FARS2: variants seen among roughly 807,000 people sequenced by gnomAD.
The protein encoded by FARS2 is phenylalanine--tRNA ligase, mitochondrial.
Under a neutral mutation model 46.4 loss-of-function variants are expected in FARS2, and 40 were observed. The observed-to-expected ratio is 0.86, with a 90% confidence interval of 0.67 to 1.12. FARS2 has a LOEUF of 1.12. Ranked by LOEUF, FARS2 falls within the 50% of genes most tolerant of loss-of-function variation. The probability of loss-of-function intolerance (pLI) is 0.00; values close to 1 mark genes in which losing one functional copy is unlikely to be tolerated. For missense variants in FARS2, 513 were observed against 567.9 expected (o/e 0.90, Z 0.98); for synonymous variants, 234 against 214.9 (o/e 1.09, Z -0.78).
At chr6:5,488,991 C>G (rs1434676563) in intron 4 of FARS2, among the ~76,000 whole-genome samples, 1 of 152,188 alleles carries the variant, frequency 6.6e-6, no homozygotes. Flanking sequence ...GGCCAAAATT[C>G]TACCTTTCTG....
chr6:5,333,858 C>G (rs984317325), intron 1 of FARS2, among the ~76,000 whole-genome samples: 1 of 152,176 alleles, frequency 6.6e-6, no homozygotes, highest in Admixed American at 6.5e-5. Flanking sequence ...TGCATCATCC[C>G]TGTTTGCTTC....
chr6:5,762,356 A>C (rs1762521185), intron 6 of FARS2, among the ~76,000 whole-genome samples: 1 of 152,226 alleles, frequency 6.6e-6, no homozygotes, highest in African/African-American at 2.4e-5. Flanking sequence ...GTAACTGAGA[A>C]GTGGTAAAGC....
chr6:5,597,953 A>G (rs1023264252), intron 5 of FARS2, among the ~76,000 whole-genome samples: 4 of 152,066 alleles, frequency 2.6e-5, no homozygotes, highest in Non-Finnish European at 4.4e-5. Flanking sequence ...GCATAATAAT[A>G]CAGTAGCTAC....
intron 1 of FARS2, among the ~76,000 whole-genome samples, chr6:5,360,463 A>C (rs1758228448): frequency 2.0e-5 from 3 of 152,302 alleles, no homozygotes; most frequent in Middle Eastern, 3.4e-3. Context: ...GGCATGAAAA[A>C]TGTATTTCTA....
At chr6:5,506,806 A>C (rs906976959) in intron 4 of FARS2, among the ~76,000 whole-genome samples, 1 of 152,244 alleles carries the variant, frequency 6.6e-6, no homozygotes, top group South Asian at 2.1e-4. Context: ...AATCGCTCTG[A>C]AAGTTCGTGA....
At chr6:5,531,192 G>A (rs1353162779) in intron 4 of FARS2, among the ~76,000 whole-genome samples, 3 of 152,010 alleles carry the variant, frequency 2.0e-5, no homozygotes, top group African/African-American at 7.2e-5. Context: ...ACATCTCATT[G>A]GCCATGCTCT....
At chr6:5,567,986 C>G (rs564727433) in intron 5 of FARS2, among the ~76,000 whole-genome samples, 2 of 152,306 alleles carry the variant, frequency 1.3e-5, no homozygotes, top group African/African-American at 2.4e-5. Flanking sequence ...CATTGTTACT[C>G]CTGACATTCA....
At chr6:5,619,523 C>G (rs1475319157) in intron 6 of FARS2, among the ~76,000 whole-genome samples, 1 of 152,164 alleles carries the variant, frequency 6.6e-6, no homozygotes, top group African/African-American at 2.4e-5. Flanking sequence ...CTCCCTCAAC[C>G]CCAGGTCACT....
At chr6:5,661,979 TG>T (rs11307628) in intron 6 of FARS2, among the ~76,000 whole-genome samples, 92,009 of 151,964 alleles carry the variant, frequency 0.61, 30,205 homozygotes, top group South Asian at 0.77. Flanking sequence ...ACCCCACACT[TG>T]GAAGAGGGTG....
At chr6:5,549,904 T>C (rs1771269369) in intron 5 of FARS2, among the ~76,000 whole-genome samples, 1 of 152,100 alleles carries the variant, frequency 6.6e-6, no homozygotes, top group Non-Finnish European at 1.5e-5. Flanking sequence ...CATTGCAAAA[T>C]CAACTCAAAA....
At chr6:5,574,484 A>G (rs1772844587) in intron 5 of FARS2, among the ~76,000 whole-genome samples, 1 of 152,216 alleles carries the variant, frequency 6.6e-6, no homozygotes, top group Non-Finnish European at 1.5e-5. Flanking sequence ...AAAACACCCT[A>G]TGCCTCCCTC....
chr6:5,486,764 T>G (rs562917554), intron 4 of FARS2, among the ~76,000 whole-genome samples: 47 of 152,334 alleles, frequency 3.1e-4, no homozygotes, highest in African/African-American at 1.1e-3. Context: ...CAGCCACGTT[T>G]CCATCATGGG....
At chr6:5,546,655 T>C (rs1249684259) in intron 5 of FARS2, among the ~76,000 whole-genome samples, 2 of 152,018 alleles carry the variant, frequency 1.3e-5, no homozygotes, top group Non-Finnish European at 2.9e-5. Context: ...TGATGAAAGG[T>C]TTTTTTAATT....
At chr6:5,331,922 A>G (rs904073042) in intron 1 of FARS2, among the ~76,000 whole-genome samples, 1 of 152,144 alleles carries the variant, frequency 6.6e-6, no homozygotes, top group African/African-American at 2.4e-5. Context: ...GGATATGTGC[A>G]TGGTTTAGTG....
chr6:5,583,720 A>G (rs1582507361), intron 5 of FARS2, among the ~76,000 whole-genome samples: 1 of 152,346 alleles, frequency 6.6e-6, no homozygotes, highest in African/African-American at 2.4e-5. Flanking sequence ...AGGTTAGATA[A>G]CAGGCCTAAG....
chr6:5,613,455 G>A, intron 6 of FARS2, 135 bp downstream of exon 6: 1 of 625,856 alleles, frequency 1.6e-6, no homozygotes, highest in Non-Finnish European at 2.6e-6. Flanking sequence ...TGAATGTATA[G>A]CTTATCAGAA....
At chr6:5,270,736 G>T (rs558024345) in intron 1 of FARS2, among the ~76,000 whole-genome samples, 29 of 152,136 alleles carry the variant, frequency 1.9e-4, no homozygotes, top group Admixed American at 4.6e-4. Context: ...CAGCCTATGA[G>T]ACCCTGACGA....
At chr6:5,358,834 C>T (rs1230088865) in intron 1 of FARS2, among the ~76,000 whole-genome samples, 1 of 151,598 alleles carries the variant, frequency 6.6e-6, no homozygotes, top group East Asian at 1.9e-4. Context: ...TGATTTGTGT[C>T]TAAAAAAAAA....
chr6:5,556,294 T>C (rs1378478917), intron 5 of FARS2, among the ~76,000 whole-genome samples: 1 of 152,116 alleles, frequency 6.6e-6, no homozygotes, highest in Non-Finnish European at 1.5e-5. Flanking sequence ...TGGAACAGTT[T>C]TTTCTGTTTG....
Sources: allele counts gnomAD v4.1 joint callset (sites outside exome capture counted in the v4.1 genomes callset), GRCh38; gene constraint gnomAD v4.1.1; transcripts MANE v1.5; gene names NCBI Gene and HGNC (gene_info 2026-07-23, HGNC 2026-07-21).